Variants in ETV3 observed in about 807,000 individuals in gnomAD.
ETV3 encodes ETS variant transcription factor 3.
Under a neutral mutation model 33.0 loss-of-function variants are expected in ETV3, and 8 were observed. That is an observed-to-expected ratio of 0.24 (90% CI 0.14 to 0.44). The LOEUF is 0.44. Among genes scored for constraint, ETV3 ranks in the 20% least tolerant of loss-of-function variants. The pLI is 1.00. For synonymous variants in ETV3, 222 were observed against 238.9 expected, an observed-to-expected ratio of 0.93 and a Z score of 0.65; for missense variants, 473 against 652.3, an observed-to-expected ratio of 0.73 and a Z score of 2.99.
At chr1:157,137,509 AACACACACACACACACACACAC>A (rs10567825) in intron 1 of ETV3, among the ~76,000 whole-genome samples, 1 of 144,968 alleles carries the variant, frequency 6.9e-6, no homozygotes, top group African/African-American at 2.6e-5. Context: ...GACAAGGAAA[AACACACACACACACACACACAC>A]ACACACACAC....
At chr1:157,135,790 C>T in intron 2 of ETV3, 82 bp from the exon 3 acceptor site, 2 of 1,363,598 alleles carry the variant, frequency 1.5e-6, no homozygotes, top group Non-Finnish European at 1.0e-6. Flanking sequence ...CATTCCACTG[C>T]TCAGAATCTA....
intron 4 of ETV3, among the ~76,000 whole-genome samples, chr1:157,130,616 TCCTACCA>T (rs1674947977): frequency 6.6e-6 from 1 of 152,168 alleles, no homozygotes; most frequent in African/African-American, 2.4e-5. Flanking sequence ...CCAATCTTGG[TCCTACCA>T]CTTACTAGTT....
intron 4 of ETV3, chr1:157,133,715 T>A (rs1675026891): frequency 1.0e-6 from 1 of 1,001,154 alleles, no homozygotes; most frequent in East Asian, 1.1e-4. Flanking sequence ...AGCTTGGTAG[T>A]TTCACAGAAA....
chr1:157,133,337 A>G (rs1675018197), intron 4 of ETV3: 1 of 950,084 alleles, frequency 1.1e-6, no homozygotes, highest in Non-Finnish European at 1.3e-6. Flanking sequence ...TTGCGAATCT[A>G]CTAGGGGTCT....
At chr1:157,127,656 G>C (rs1674872497) in intron 4 of ETV3, among the ~76,000 whole-genome samples, 1 of 148,894 alleles carries the variant, frequency 6.7e-6, no homozygotes, top group Admixed American at 6.8e-5. Flanking sequence ...AGTGATTCTT[G>C]TGCCTCAGCT....
intron 4 of ETV3, among the ~76,000 whole-genome samples, chr1:157,132,515 A>G (rs1674991344): frequency 6.6e-6 from 1 of 152,218 alleles, no homozygotes. Flanking sequence ...AAGACGAATG[A>G]AACATTTTTT....
rs1007124749 is a variant in ETV3, at chr1:157,136,332, G to C, written c.21C>G (p.Ile7Met). 1 of 1,611,108 alleles carries C rather than the reference G, an allele frequency of 6.2e-7. No individual in the cohort carries two copies. Among genetic ancestry groups the C allele is most frequent in the Non-Finnish European group, 8.5e-7 (1 of 1,178,896 alleles). MKAGCS[I>M]VEKPEGGGGY... ...CTCCACCTCCTTCTGGCTTTTCCAC[G>C]ATGCTACAGCCGGCTTTCATTTTCA... The change falls in exon 2 of 5, where the codon ATC becomes ATG. Residue 7 changes from isoleucine (I) to methionine (M), a missense_variant. By Grantham distance (10) the Ile-to-Met change is conservative. Transcript: ENST00000368192.
intron 1 of ETV3, among the ~76,000 whole-genome samples, chr1:157,137,698 T>G (rs1675154177): frequency 6.6e-6 from 1 of 151,956 alleles, no homozygotes; most frequent in Non-Finnish European, 1.5e-5. Flanking sequence ...CGCTGTCAGA[T>G]CGCGAGGCCT....
In ETV3 at chr1:157,135,485, C is replaced by T. The variant is rs199544312; in HGVS notation, c.270G>A (p.Leu90=). 4.3e-6 allele frequency: 7 copies of T among 1,613,996 alleles called. No individual in the cohort carries two copies. In the East Asian group the frequency reaches 8.9e-5, roughly 21 times the overall value. The change falls in exon 3 of 5, where the codon CTG becomes CTA. Residue 90 remains leucine (L), a synonymous_variant. Coordinates refer to ENST00000368192, the MANE Select transcript of ETV3 (RefSeq NM_001145312.3). The part of the protein sequence containing the change: ...KCKPQMNYDK[L]SRALRYYYNK... The stretch of plus-strand genomic sequence containing the variant: ...CTTTTCCTTACCTGAGGGCCCGGCT[C>T]AGCTTGTCATAATTCATCTGTGGTT...
At chr1:157,133,571 TA>T (rs1412825024) in intron 4 of ETV3, 2 of 986,566 alleles carry the variant, frequency 2.0e-6, no homozygotes, top group Non-Finnish European at 2.4e-6. Context: ...GAAGGTCAAG[TA>T]ACCCCAGAAT....
At position 157,136,329 on chromosome 1, in the gene ETV3, C is replaced by T. The variant is rs910986262; in HGVS notation, c.24G>A (p.Val8=). 6.2e-7 allele frequency: 1 copy of T among 1,611,456 alleles called. No individual in the cohort carries two copies. The highest frequency in any genetic ancestry group is 1.3e-5 in the African/African-American group (1 of 74,772). MKAGCSI[V]EKPEGGGGYQ... ...CACCTCCACCTCCTTCTGGCTTTTC[C>T]ACGATGCTACAGCCGGCTTTCATTT... The change falls in exon 2 of 5, where the codon GTG becomes GTA. Residue 8 remains valine, a synonymous_variant. Transcript: ENST00000368192.
intron 4 of ETV3, chr1:157,133,777 T>C (rs1368505770): frequency 2.0e-5 from 21 of 1,050,558 alleles, no homozygotes; most frequent in Non-Finnish European, 2.3e-5. Context: ...ACCACTGGGC[T>C]GGGTGTTAAA....
intron 1 of ETV3, among the ~76,000 whole-genome samples, chr1:157,137,492 A>C (rs1215918692): frequency 3.2e-5 from 4 of 125,428 alleles, no homozygotes; most frequent in African/African-American, 1.4e-4. Context: ...CCCCAAAGGA[A>C]GGAGCAGACA....
At chr1:157,132,510 G>A (rs983641564) in intron 4 of ETV3, among the ~76,000 whole-genome samples, 1 of 152,152 alleles carries the variant, frequency 6.6e-6, no homozygotes, top group Non-Finnish European at 1.5e-5. Flanking sequence ...AGAACAAGAC[G>A]AATGAAACAT....
chr1:157,126,094 G>T, intron 4 of ETV3, 115 bp from the exon 5 acceptor site: 1 of 964,886 alleles, frequency 1.0e-6, no homozygotes, highest in Non-Finnish European at 1.5e-6. Context: ...CATTCCAACT[G>T]GACTGAATCC....
rs1042690836 is a variant in ETV3 at position 157,123,765 on chromosome 1, C to T, written c.*1076G>A. On this transcript the variant is annotated 3_prime_UTR_variant, in exon 5 of 5. Coordinates refer to ENST00000368192, the MANE Select transcript of ETV3 (RefSeq NM_001145312.3). ...CTGAAAAGCTGTCGATGCCCTTTTA[C>T]AGGTTTATGGTGACAGACCCGTATC... 6.6e-6 allele frequency: 1 copy of T among 152,182 alleles called. No individual in the cohort carries two copies. The highest frequency in any genetic ancestry group is 1.5e-5 in the Non-Finnish European group (1 of 68,024). 9.4% of individuals were successfully genotyped at this position (152,182 alleles called of 1,614,324 possible).
intron 4 of ETV3, among the ~76,000 whole-genome samples, chr1:157,132,670 T>C (rs1674995648): frequency 6.6e-6 from 1 of 151,710 alleles, no homozygotes; most frequent in Non-Finnish European, 1.5e-5. Flanking sequence ...CGAGTACAGG[T>C]CTGATTTCCT....
At chr1:157,126,507 A>C (rs1206668793) in intron 4 of ETV3, among the ~76,000 whole-genome samples, 2 of 152,254 alleles carry the variant, frequency 1.3e-5, no homozygotes, top group African/African-American at 2.4e-5. Context: ...ACTGAAATAT[A>C]AACATTCGAG....
chr1:157,129,699 G>T (rs1674925592), intron 4 of ETV3, among the ~76,000 whole-genome samples: 1 of 152,092 alleles, frequency 6.6e-6, no homozygotes, highest in African/African-American at 2.4e-5. Context: ...TACCCTTTTT[G>T]ATTCTTTTGG....
Sources: gnomAD v4.1 joint callset for allele counts (sites outside exome capture counted in the v4.1 genomes callset) on GRCh38, gnomAD v4.1.1 for gene constraint, MANE v1.5 for transcripts, NCBI Gene and HGNC (gene_info 2026-07-23, HGNC 2026-07-21) for gene names.